PROK2: variants seen among roughly 807,000 people sequenced by gnomAD.
The protein encoded by PROK2 is prokineticin-2.
In PROK2, 8 loss-of-function variants were observed where a neutral mutation model predicts 14.2. The ratio of observed to expected loss-of-function variants is 0.56; its 90% CI spans 0.33 to 1.02. The LOEUF (loss-of-function observed/expected upper bound fraction) is 1.02, where lower values mean the gene tolerates loss of function less well. Ranked by LOEUF, PROK2 falls within the 50% of genes least tolerant of loss-of-function variation. The pLI is 0.03. For missense variants in PROK2, 154 were observed against 160.4 expected (o/e 0.96, Z 0.22); for synonymous variants, 59 against 60.7 (o/e 0.97, Z 0.13).
intron 2 of PROK2, among the ~76,000 whole-genome samples, chr3:71,779,716 C>T (rs1353427659): frequency 6.6e-6 from 1 of 152,172 alleles, no homozygotes; most frequent in Non-Finnish European, 1.5e-5. Context: ...GATCCCCTCC[C>T]CCACCTCAGC....
intron 1 of PROK2, among the ~76,000 whole-genome samples, chr3:71,783,865 C>T (rs867838424): frequency 6.6e-6 from 1 of 152,156 alleles, no homozygotes; most frequent in African/African-American, 2.4e-5. Context: ...TGGATATATA[C>T]AAATGCTGTC....
At chr3:71,780,019 G>C (rs959841919) in intron 2 of PROK2, among the ~76,000 whole-genome samples, 11 of 152,236 alleles carry the variant, frequency 7.2e-5, no homozygotes, top group African/African-American at 2.7e-4. Context: ...AAAATAACGA[G>C]AGAAATGCTA....
At chr3:71,783,377 C>T (rs1385321609) in intron 1 of PROK2, among the ~76,000 whole-genome samples, 1 of 152,020 alleles carries the variant, frequency 6.6e-6, no homozygotes, top group African/African-American at 2.4e-5. Flanking sequence ...TTTTGTAACA[C>T]TGAGTTAAAA....
At chr3:71,773,218 G>A (rs551373500) in intron 3 of PROK2, among the ~76,000 whole-genome samples, 2 of 152,176 alleles carry the variant, frequency 1.3e-5, no homozygotes, top group African/African-American at 2.4e-5. Flanking sequence ...AACCTCAAGC[G>A]ATCTGCCTGC....
intron 3 of PROK2, among the ~76,000 whole-genome samples, chr3:71,773,188 C>T (rs993028449): frequency 6.6e-6 from 1 of 152,174 alleles, no homozygotes; most frequent in Non-Finnish European, 1.5e-5. Flanking sequence ...CCTTGTTGGC[C>T]AGGCGGGTCT....
intron 1 of PROK2, among the ~76,000 whole-genome samples, chr3:71,784,590 G>T (rs1046062735): frequency 6.6e-6 from 1 of 152,198 alleles, no homozygotes; most frequent in African/African-American, 2.4e-5. Context: ...AAGGTTCGAG[G>T]TTGGAGAGCC....
chr3:71,784,119 T>A (rs543922771), intron 1 of PROK2, among the ~76,000 whole-genome samples: 6 of 152,358 alleles, frequency 3.9e-5, no homozygotes, highest in African/African-American at 1.4e-4. Flanking sequence ...AACCAGGAAA[T>A]GATAGCAGTT....
At chr3:71,772,968 CT>C in intron 3 of PROK2, 140 bp from the exon 4 acceptor site, 1 of 721,280 alleles carries the variant, frequency 1.4e-6, no homozygotes, top group Non-Finnish European at 2.4e-6. Flanking sequence ...ATGCTCAGTA[CT>C]TTTTATTTAT....
chr3:71,784,990 C>A lies in PROK2; in HGVS notation c.63G>T (p.Thr21=). Residue 21 remains threonine, a synonymous_variant, in exon 1 of 4, where the codon ACG becomes ACT. Coordinates refer to ENST00000295619, the MANE Select transcript of PROK2 (RefSeq NM_001126128.2). ...LLLLLPPLLL[T]PRAGDAAVIT... is the part of the protein sequence containing the mutation. The stretch of plus-strand genomic sequence containing the variant: ...TCACGGCGGCGTCCCCAGCGCGGGG[C>A]GTGAGCAGCAGCGGCGGCAGCAGCA... 1 of 1,249,308 alleles carries A rather than the reference C, an allele frequency of 8.0e-7. No individual in the cohort carries two copies. The allele number at this position is 1,249,308 out of a possible 1,614,324, so 77.4% of individuals were successfully genotyped here.
chr3:71,785,112 T>G lies in PROK2; in HGVS notation c.-60A>C. On this transcript the variant is annotated 5_prime_UTR_variant, in exon 1 of 4. Transcript: ENST00000295619. ...TTGGGGGCGCGGGGCCCGGGTGCGC[T>G]GGGTGGAGCGCGGAGCGGCGGGCGG... The G allele has an allele frequency of 9.0e-7, 1 of 1,113,382 alleles. No individual in the cohort carries two copies. The highest frequency in any genetic ancestry group is 1.1e-6 in the Non-Finnish European group (1 of 883,298). 69.0% of individuals were successfully genotyped at this position (1,113,382 alleles called of 1,614,324 possible).
At chr3:71,772,926 G>A in intron 3 of PROK2, 98 bp from the exon 4 acceptor site, 1 of 1,003,692 alleles carries the variant, frequency 1.0e-6, no homozygotes, top group Non-Finnish European at 1.6e-6. Context: ...AATAACTAGT[G>A]TTTACTGAGC....
At chr3:71,784,656 A>C (rs969190741) in intron 1 of PROK2, among the ~76,000 whole-genome samples, 1 of 152,224 alleles carries the variant, frequency 6.6e-6, no homozygotes, top group African/African-American at 2.4e-5. Flanking sequence ...AACAGAAGAA[A>C]AATGCGAGGA....
chr3:71,784,935 C>G (rs1010051302), intron 1 of PROK2, 22 bp downstream of exon 1: 3 of 1,239,302 alleles, frequency 2.4e-6, no homozygotes, highest in Non-Finnish European at 3.0e-6. Flanking sequence ...CAGGGGCAGA[C>G]AGGTGCGCCC....
Position 71,781,578 on chromosome 3 carries a change from G to A in PROK2, c.111C>T (p.Asp37=). The change falls in exon 2 of 4, where the codon GAC becomes GAT. Residue 37 remains aspartate, a synonymous_variant. Coordinates refer to ENST00000295619, the MANE Select transcript of PROK2 (RefSeq NM_001126128.2). Reference sequence around the variant, plus strand: ...AGCACATGCCTCCACCACATTGGGAGTCCTTGTCACAAGCCTGAAATGTAA... The same window carrying A: ...AGCACATGCCTCCACCACATTGGGAATCCTTGTCACAAGCCTGAAATGTAA... ...AAVITGACDK[D]SQCGGGMCCA... The A allele has an allele frequency of 6.2e-7, 1 of 1,612,006 alleles. No homozygotes were observed.
chr3:71,777,280 T>C (rs537206559), intron 2 of PROK2, among the ~76,000 whole-genome samples: 103 of 152,344 alleles, frequency 6.8e-4, no homozygotes, highest in African/African-American at 2.4e-3. Context: ...ACAGTAGCTC[T>C]TGACATTGTG....
intron 2 of PROK2, among the ~76,000 whole-genome samples, chr3:71,777,695 T>A (rs543639742): frequency 2.6e-5 from 4 of 152,158 alleles, no homozygotes; most frequent in Admixed American, 2.0e-4. Flanking sequence ...CAATAAGCAA[T>A]AAAGATTAAA....
At chr3:71,779,535 T>G (rs1034507397) in intron 2 of PROK2, among the ~76,000 whole-genome samples, 1 of 152,242 alleles carries the variant, frequency 6.6e-6, no homozygotes, top group African/African-American at 2.4e-5. Flanking sequence ...TTTCCCTTGT[T>G]TCAGTAAACA....
At chr3:71,784,822 C>T (rs2050198826) in intron 1 of PROK2, 135 bp downstream of exon 1, 1 of 679,554 alleles carries the variant, frequency 1.5e-6, no homozygotes, top group Non-Finnish European at 2.1e-6. Context: ...CACCAAGGGG[C>T]GACAGGGGCA....
chr3:71,774,536 C>T, intron 2 of PROK2, 29 bp from the exon 3 acceptor site: 1 of 1,546,520 alleles, frequency 6.5e-7, no homozygotes, highest in Non-Finnish European at 8.7e-7. Flanking sequence ...CGATTGAGAT[C>T]AATAAATACA....
Sources: gnomAD v4.1 joint callset for allele counts (sites outside exome capture counted in the v4.1 genomes callset) on GRCh38, gnomAD v4.1.1 for gene constraint, MANE v1.5 for transcripts, NCBI Gene and HGNC (gene_info 2026-07-23, HGNC 2026-07-21) for gene names.